The following RAI1 variants were observed in gnomAD, a reference collection of about 807,000 sequenced individuals.
The protein encoded by RAI1 is retinoic acid-induced protein 1.
In RAI1, 9 loss-of-function variants were observed where a neutral mutation model predicts 123.8. The ratio of observed to expected loss-of-function variants is 0.07; its 90% CI spans 0.04 to 0.13. The LOEUF (loss-of-function observed/expected upper bound fraction) is 0.13. Ranked by LOEUF, RAI1 falls within the 10% of genes least tolerant of loss-of-function variation. The pLI, the probability that RAI1 is intolerant of heterozygous loss-of-function variation, is 1.00. For missense variants in RAI1, 2,256 were observed against 2,545.8 expected (o/e 0.89, Z 2.45); for synonymous variants, 1,231 against 1,127.3 (o/e 1.09, Z -1.84).
chr17:17,733,339 G>A (rs372694963), intron 2 of RAI1, among the ~76,000 whole-genome samples: 3 of 152,250 alleles, frequency 2.0e-5, no homozygotes, highest in South Asian at 4.1e-4. Flanking sequence ...GGGGCACTGC[G>A]TGGGGAAAGA....
chr17:17,785,545 C>T (rs1421921137), intron 2 of RAI1, among the ~76,000 whole-genome samples: 3 of 152,196 alleles, frequency 2.0e-5, no homozygotes, highest in Non-Finnish European at 4.4e-5. Flanking sequence ...ATGAGAGCCA[C>T]CAAGGAGCCT....
intron 2 of RAI1, among the ~76,000 whole-genome samples, chr17:17,745,679 G>A (rs1471166124): frequency 6.6e-6 from 1 of 152,214 alleles, no homozygotes; most frequent in Non-Finnish European, 1.5e-5. Flanking sequence ...TTATAGGCAT[G>A]ACCAACCACA....
Position 17,685,132 on chromosome 17 carries a change from G to A in RAI1, c.-149+3339G>A, listed in dbSNP as rs977247454. The A allele has an allele frequency of 2.0e-5, 3 of 152,268 alleles. No homozygotes were observed. Among genetic ancestry groups the A allele is most frequent in the Admixed American group, 6.5e-5 (1 of 15,292 alleles). The allele number at this position is 152,268 out of a possible 1,614,324, so 9.4% of individuals were successfully genotyped here. A position where few individuals can be genotyped will look rare whatever the true frequency, so the allele number is the denominator to read the frequency against. ...GCTTTCCACAGCTGCCTGTGGCCATGGCATGGGTGTCTTTTTCCTCCCCTA... is the reference window on the plus strand; with the variant it reads ...GCTTTCCACAGCTGCCTGTGGCCATAGCATGGGTGTCTTTTTCCTCCCCTA... On this transcript the variant is annotated intron_variant, in intron 1 of 5. Coordinates refer to ENST00000353383, the MANE Select transcript of RAI1 (RefSeq NM_030665.4). This position sits in a 1 kb window ranked among gnomAD's most constrained non-coding sequence, Gnocchi z 4.0.
rs139634684 is a variant in RAI1, at chr17:17,787,524, C to T, written c.-16-5409C>T. ...GAACTGATAATAGGTGAGCTCCTCC[C>T]GGCAGCCTTCCCTGGGGGGCCTAGG... On this transcript the variant is annotated intron_variant, in intron 2 of 5. Transcript: ENST00000353383. Among the ~76,000 whole-genome samples, 487 of 152,358 alleles carry T rather than the reference C, an allele frequency of 3.2e-3. 4 individuals are homozygous for T. Among genetic ancestry groups the T allele is most frequent in the African/African-American group, 0.011 (445 of 41,584 alleles).
intron 4 of RAI1, among the ~76,000 whole-genome samples, chr17:17,805,009 T>C (rs2032568388): frequency 6.6e-6 from 1 of 152,084 alleles, no homozygotes; most frequent in Admixed American, 6.6e-5. Flanking sequence ...ACTACAGGCG[T>C]GCACCACCAC....
At chr17:17,792,140 A>G (rs1322606376) in intron 2 of RAI1, among the ~76,000 whole-genome samples, 1 of 152,136 alleles carries the variant, frequency 6.6e-6, no homozygotes, top group Non-Finnish European at 1.5e-5. Context: ...TAATCTGTTT[A>G]TGCACGTATG....
At chr17:17,764,381 C>T (rs1422406049) in intron 2 of RAI1, among the ~76,000 whole-genome samples, 2 of 152,140 alleles carry the variant, frequency 1.3e-5, no homozygotes, top group Non-Finnish European at 2.9e-5. Context: ...TGTCCCTTAT[C>T]CCCCTCATCA....
At chr17:17,791,699 G>T (rs1267827336) in intron 2 of RAI1, among the ~76,000 whole-genome samples, 1 of 152,218 alleles carries the variant, frequency 6.6e-6, no homozygotes, top group East Asian at 1.9e-4. Flanking sequence ...CCAATGGCCA[G>T]CCCCTCCATG....
intron 2 of RAI1, among the ~76,000 whole-genome samples, chr17:17,782,688 G>A (rs1310844363): frequency 9.6e-5 from 14 of 146,372 alleles, no homozygotes; most frequent in African/African-American, 3.2e-4. Context: ...GGAGGGAGGG[G>A]GAAGGGCGGG....
chr17:17,747,139 CCCA>C (rs147861566), intron 2 of RAI1, among the ~76,000 whole-genome samples: 2,805 of 152,286 alleles, frequency 0.018, 82 homozygotes, highest in African/African-American at 0.064. Flanking sequence ...TGACAGCCTT[CCCA>C]CCCAGATCAG....
chr17:17,713,032 G>A (rs1282746598), intron 1 of RAI1, among the ~76,000 whole-genome samples: 4 of 151,956 alleles, frequency 2.6e-5, no homozygotes, highest in Non-Finnish European at 5.9e-5. Context: ...GTTTCTTTTT[G>A]GGAGGGGGAT....
At chr17:17,745,290 T>C (rs1916787211) in intron 2 of RAI1, among the ~76,000 whole-genome samples, 1 of 151,482 alleles carries the variant, frequency 6.6e-6, no homozygotes. Context: ...TTGGAGTCCC[T>C]GTGGGATGGC....
chr17:17,781,721 T>A (rs2031587158), intron 2 of RAI1, among the ~76,000 whole-genome samples: 1 of 152,128 alleles, frequency 6.6e-6, no homozygotes, highest in Non-Finnish European at 1.5e-5. Context: ...CAGGCACGGG[T>A]GGGGTCTGCC....
chr17:17,683,695 T>C (rs1291773218), intron 1 of RAI1: 12 of 152,286 alleles, frequency 7.9e-5, no homozygotes, highest in African/African-American at 2.9e-4. Context: ...AGGAGGAGAA[T>C]GTATCAAGGT....
chr17:17,707,825 C>T (rs1005317153), intron 1 of RAI1, among the ~76,000 whole-genome samples: 4 of 152,192 alleles, frequency 2.6e-5, no homozygotes, highest in African/African-American at 9.7e-5. Context: ...AACTCCTAAG[C>T]TCAGGCAATC....
rs991037854 is a variant in RAI1 at position 17,717,376 on chromosome 17, C to G, written c.-148-6652C>G. On this transcript the variant is annotated intron_variant, in intron 1 of 5. Transcript: ENST00000353383. Reference sequence around the variant, plus strand: ...CCATGGCAGAGAACCCCAGCCAGCCCAACGTGTCCAGAGTGTGTGGCTTCA... The same window carrying G: ...CCATGGCAGAGAACCCCAGCCAGCCGAACGTGTCCAGAGTGTGTGGCTTCA... Among the ~76,000 whole-genome samples, 10 of 151,848 alleles carry G rather than the reference C, an allele frequency of 6.6e-5. 1 individual carries two copies. The highest frequency in any genetic ancestry group is 6.9e-3 in the Middle Eastern group (2 of 288).
chr17:17,716,257 A>T (rs1915708453), intron 1 of RAI1, among the ~76,000 whole-genome samples: 1 of 152,202 alleles, frequency 6.6e-6, no homozygotes, highest in Non-Finnish European at 1.5e-5. Context: ...TGGTTAAGCC[A>T]CCCAGAGATA....
rs757909102 is a variant in RAI1, at chr17:17,797,507, C to G, written c.4559C>G (p.Thr1520Arg). The G allele has an allele frequency of 1.2e-6, 2 of 1,613,548 alleles. No individual in the cohort carries two copies. Among genetic ancestry groups the G allele is most frequent in the East Asian group, 4.5e-5 (2 of 44,870 alleles). ...GAGGGCAGGCCCTGCCAGCCCCAGACAAGGGCACAGAAACAGCCAGGCCAC... is the reference window on the plus strand; with the variant it reads ...GAGGGCAGGCCCTGCCAGCCCCAGAGAAGGGCACAGAAACAGCCAGGCCAC... ...PPEGRPCQPQTRAQKQPGHTN... is the reference protein window; with the variant it reads ...PPEGRPCQPQRRAQKQPGHTN... The change falls in exon 3 of 6, where the codon ACA (threonine) becomes AGA (arginine). Residue 1520 changes from threonine (T) to arginine (R), a missense_variant. Thr to Arg is a moderately conservative substitution (Grantham distance 71, BLOSUM62 -1). Coordinates refer to ENST00000353383, the MANE Select transcript of RAI1 (RefSeq NM_030665.4).
chr17:17,785,712 T>C (rs2031803866), intron 2 of RAI1, among the ~76,000 whole-genome samples: 1 of 152,110 alleles, frequency 6.6e-6, no homozygotes, highest in Non-Finnish European at 1.5e-5. Context: ...CCTGCACGGG[T>C]CTGCCCTGCC....
Sources: allele counts gnomAD v4.1 joint callset (sites outside exome capture counted in the v4.1 genomes callset), GRCh38; gene constraint gnomAD v4.1.1; non-coding constraint Gnocchi (gnomAD v3.1); transcripts MANE v1.5; gene names NCBI Gene and HGNC (gene_info 2026-07-23, HGNC 2026-07-21).